HERC1: variants seen among roughly 807,000 people sequenced by gnomAD.
HERC1 encodes HECT and RLD domain containing E3 ubiquitin protein ligase family member 1, also known as probable E3 ubiquitin-protein ligase HERC1.
Under a neutral mutation model 554.3 loss-of-function variants are expected in HERC1, and 160 were observed. The observed-to-expected ratio is 0.29, with a 90% CI of 0.25 to 0.33. The LOEUF (loss-of-function observed/expected upper bound fraction) is 0.33. Ranked by LOEUF, HERC1 falls within the 10% of genes least tolerant of loss-of-function variation. The pLI, the probability that HERC1 is intolerant of heterozygous loss-of-function variation, is 1.00. For missense variants in HERC1, 4,919 were observed against 5,918.5 expected (o/e 0.83, Z 5.54); for synonymous variants, 2,175 against 2,131.7 (o/e 1.02, Z -0.56).
intron 77 of HERC1, among the ~76,000 whole-genome samples, chr15:63,611,778 A>G (rs995675052): frequency 1.3e-5 from 2 of 152,220 alleles, no homozygotes; most frequent in African/African-American, 2.4e-5. Context: ...ATATTTCTAA[A>G]CAAATTTTAC....
At position 63,616,337 on chromosome 15, in the gene HERC1, TG is replaced by T. The variant is rs1411726992; in HGVS notation, c.13941+92del. On this transcript the variant is annotated intron_variant, in intron 75 of 77. Transcript: ENST00000443617. Reference sequence around the variant, plus strand: ...TGGCATTGTTCAGCCAGACAGCAAGTGGAAGACTGTATCTCAATTTTACACA... The same window carrying T: ...TGGCATTGTTCAGCCAGACAGCAAGTGAAGACTGTATCTCAATTTTACACA... 3 of 1,330,758 alleles carry T rather than the reference TG, an allele frequency of 2.3e-6. No homozygotes were observed. The African/African-American group carries it at 4.4e-5, about 19-fold the overall frequency. 82.4% of individuals were successfully genotyped at this position (1,330,758 alleles called of 1,614,324 possible).
intron 1 of HERC1, among the ~76,000 whole-genome samples, chr15:63,795,051 G>A (rs2076770021): frequency 9.6e-6 from 1 of 104,488 alleles, no homozygotes; most frequent in East Asian, 2.3e-4. Flanking sequence ...GGGCAACAGA[G>A]CAAGACTCTG....
At chr15:63,814,452 AG>A (rs1391627945) in intron 1 of HERC1, among the ~76,000 whole-genome samples, 2 of 135,616 alleles carry the variant, frequency 1.5e-5, no homozygotes, top group African/African-American at 5.6e-5. Context: ...TGGGTGGGGG[AG>A]GGGGTTGGAG....
intron 33 of HERC1, among the ~76,000 whole-genome samples, chr15:63,687,357 G>A (rs1567013878): frequency 2.0e-5 from 3 of 152,058 alleles, no homozygotes. Flanking sequence ...GGCTAATATG[G>A]TGAAACCCCG....
At position 63,734,981 on chromosome 15, in the gene HERC1, T is replaced by G. The variant is rs2074437560; in HGVS notation, c.2521-132A>C. On this transcript the variant is annotated intron_variant, in intron 12 of 77. Transcript: ENST00000443617. The surrounding 1 kb of genome is among the most constrained non-coding windows in gnomAD (Gnocchi z 4.6). Reference sequence around the variant, plus strand: ...AGATGGCATGATAAAAAAGAAAGCATGCAAGTCCTCCTTCAGATGTCTTTA... The same window carrying G: ...AGATGGCATGATAAAAAAGAAAGCAGGCAAGTCCTCCTTCAGATGTCTTTA... The G allele has an allele frequency of 2.8e-6, 2 of 722,436 alleles. No homozygotes were observed. Among genetic ancestry groups the G allele is most frequent in the East Asian group, 6.0e-5 (2 of 33,072 alleles). The allele number at this position is 722,436 out of a possible 1,614,324, so 44.8% of individuals were successfully genotyped here.
chr15:63,777,813 C>A (rs1199753006), intron 1 of HERC1, among the ~76,000 whole-genome samples: 1 of 152,166 alleles, frequency 6.6e-6, no homozygotes, highest in Non-Finnish European at 1.5e-5. Flanking sequence ...CTATACAAAA[C>A]CACCTTGATA....
chr15:63,796,512 A>T (rs1343181971), intron 1 of HERC1, among the ~76,000 whole-genome samples: 1 of 152,198 alleles, frequency 6.6e-6, no homozygotes, highest in Non-Finnish European at 1.5e-5. Flanking sequence ...TGTAAACCAA[A>T]AATAGCTGAG....
intron 14 of HERC1, among the ~76,000 whole-genome samples, chr15:63,732,350 A>G (rs1275229006): frequency 6.6e-6 from 1 of 152,182 alleles, no homozygotes; most frequent in East Asian, 1.9e-4. Flanking sequence ...TAATATAAAG[A>G]AGTTATTTAA....
intron 12 of HERC1, among the ~76,000 whole-genome samples, chr15:63,743,839 GT>G (rs1176281685): frequency 6.6e-6 from 1 of 152,094 alleles, no homozygotes. Flanking sequence ...GGTTCATTTG[GT>G]TAGGTCATGG....
At chr15:63,738,487 T>G (rs2074642840) in intron 12 of HERC1, among the ~76,000 whole-genome samples, 1 of 152,060 alleles carries the variant, frequency 6.6e-6, no homozygotes, top group Admixed American at 6.6e-5. Context: ...AATAGGAAGG[T>G]GGGTGAGAGA....
Position 63,754,586 on chromosome 15 carries a change from C to T in HERC1, c.1693G>A (p.Glu565Lys). 6.2e-7 allele frequency: 1 copy of T among 1,613,524 alleles called. No homozygotes were observed. Residue 565 changes from glutamate to lysine, a missense_variant, in exon 7 of 78, where the codon GAG becomes AAG. Glu to Lys is a moderately conservative substitution (Grantham distance 56). Coordinates refer to ENST00000443617, the MANE Select transcript of HERC1 (RefSeq NM_003922.4). ...GTATGTGAACTGCCACAAGAAACCT[C>T]TCCTACATTGCTGATGTCTTTTACT... Reference protein sequence around the residue: ...TLVKDISNVGEVSCGSSHTIA... With the variant: ...TLVKDISNVGKVSCGSSHTIA...
chr15:63,696,601 A>G (rs906876750), intron 26 of HERC1, among the ~76,000 whole-genome samples: 1 of 152,030 alleles, frequency 6.6e-6, no homozygotes, highest in Non-Finnish European at 1.5e-5. Context: ...TCAAGGACAG[A>G]CTCTTTTATC....
intron 1 of HERC1, among the ~76,000 whole-genome samples, chr15:63,803,400 G>A (rs527643146): frequency 2.0e-5 from 3 of 151,946 alleles, no homozygotes; most frequent in Admixed American, 6.5e-5. Flanking sequence ...TATCAACATC[G>A]TGGTGTATAT....
At chr15:63,648,657 AT>A (rs11295020) in intron 54 of HERC1, among the ~76,000 whole-genome samples, 72,526 of 151,936 alleles carry the variant, frequency 0.48, 18,612 homozygotes, top group Non-Finnish European at 0.58. Flanking sequence ...CACAATCTAT[AT>A]TTCTACTTGT....
Position 63,827,675 on chromosome 15 carries a change from C to T in HERC1, c.-27+6152G>A, listed in dbSNP as rs560206190. Among the ~76,000 whole-genome samples, 112 of 152,224 alleles carry T rather than the reference C, an allele frequency of 7.4e-4. 1 individual carries two copies. The South Asian group carries it at 0.022, about 30-fold the overall frequency. ...CATGAGAATTAAAAATATATGTCCA[C>T]ACAAAAAATTGTACATGAATGTACA... On this transcript the variant is annotated intron_variant, in intron 1 of 77. Coordinates refer to ENST00000443617, the MANE Select transcript of HERC1 (RefSeq NM_003922.4).
At chr15:63,729,465 T>G in intron 15 of HERC1, 32 bp downstream of exon 15, 1 of 1,607,270 alleles carries the variant, frequency 6.2e-7, no homozygotes, top group Non-Finnish European at 8.5e-7. Flanking sequence ...AGGTCCCTGA[T>G]AGATCACCAT....
intron 16 of HERC1, 35 bp downstream of exon 16, chr15:63,729,201 G>T: frequency 6.4e-7 from 1 of 1,564,854 alleles, no homozygotes; most frequent in Non-Finnish European, 8.6e-7. Flanking sequence ...ACTTCTTAAT[G>T]ACTGATTAAA....
At chr15:63,741,069 C>A (rs1171461351) in intron 12 of HERC1, among the ~76,000 whole-genome samples, 1 of 151,892 alleles carries the variant, frequency 6.6e-6, no homozygotes, top group African/African-American at 2.4e-5. Context: ...TGCCCTGTCG[C>A]CCAGGCTGGA....
chr15:63,694,779 T>C lies in HERC1; in HGVS notation c.5237A>G (p.His1746Arg), dbSNP rs1467058688. ...LERALQANKH[H>R]IEAQQRLLLV... The stretch of plus-strand genomic sequence containing the variant: ...TGCAGGAACCGTTTACTTACCAATG[T>C]GATGCTTGTTTGCTTGCAGGGCTCT... The change falls in exon 28 of 78, where the codon CAC (histidine) becomes CGC (arginine). Residue 1746 changes from histidine to arginine, a missense_variant. Around this residue, in one of 11 missense-constraint regions of HERC1, gnomAD observed 1,121 missense variants for 1,244.0 expected, o/e 0.90. Coordinates refer to ENST00000443617, the MANE Select transcript of HERC1 (RefSeq NM_003922.4). The surrounding 1 kb of genome is among the most constrained non-coding windows in gnomAD (Gnocchi z 4.3). 6.2e-7 allele frequency: 1 copy of C among 1,613,834 alleles called. No homozygotes were observed. Among genetic ancestry groups the C allele is most frequent in the Admixed American group, 1.7e-5 (1 of 59,996 alleles).
Sources: gnomAD v4.1 joint callset for allele counts (sites outside exome capture counted in the v4.1 genomes callset) on GRCh38, gnomAD v4.1.1 for gene constraint, gnomAD v4.1.1 regional missense constraint, Gnocchi (gnomAD v3.1) non-coding constraint, MANE v1.5 for transcripts, NCBI Gene and HGNC (gene_info 2026-07-23, HGNC 2026-07-21) for gene names.